Variants in ZNF839 observed in about 807,000 individuals in gnomAD.
ZNF839 encodes the protein renal carcinoma antigen NY-REN-50.
A neutral mutation model predicts 56.4 loss-of-function variants in ZNF839; 38 were observed. The ratio of observed to expected loss-of-function variants is 0.67; its 90% CI spans 0.52 to 0.88. The LOEUF (loss-of-function observed/expected upper bound fraction) is 0.88, where lower values mean the gene tolerates loss of function less well. Ranked by LOEUF, ZNF839 falls within the 40% of genes least tolerant of loss-of-function variation. The pLI, the probability that ZNF839 is intolerant of heterozygous loss-of-function variation, is 0.00. For missense variants in ZNF839, 1,091 were observed against 1,177.6 expected (o/e 0.93, Z 1.08); for synonymous variants, 486 against 493.5 (o/e 0.98, Z 0.20).
At chr14:102,327,281 C>T (rs755612328) in intron 2 of ZNF839, among the ~76,000 whole-genome samples, 4 of 152,114 alleles carry the variant, frequency 2.6e-5, no homozygotes, top group Non-Finnish European at 5.9e-5. Context: ...GCTGGGATTA[C>T]AGGCGCCCAC....
chr14:102,341,240 C>T (rs2139606015), intron 7 of ZNF839, 83 bp from the exon 8 acceptor site: 2 of 1,422,372 alleles, frequency 1.4e-6, no homozygotes, highest in East Asian at 2.4e-5. Context: ...GGTGACTTGG[C>T]CTAGCTGGTT....
In ZNF839 at chr14:102,332,846, G is replaced by T. The variant is rs1296319932; in HGVS notation, c.1416+1000G>T. On this transcript the variant is annotated intron_variant, in intron 3 of 7. Transcript: ENST00000442396. The surrounding 1 kb of genome is among the most constrained non-coding windows in gnomAD (Gnocchi z 4.9). The stretch of plus-strand genomic sequence containing the variant: ...AATCGCTTGAACCCAGGAGGCGGAG[G>T]TTGCAGTGAGCCAAGATCGTGCCAT... Among the ~76,000 whole-genome samples, 1 of 152,186 alleles carries T rather than the reference G, an allele frequency of 6.6e-6. No homozygotes were observed. Among genetic ancestry groups the T allele is most frequent in the East Asian group, 1.9e-4 (1 of 5,182 alleles).
At chr14:102,329,596 G>A (rs2073665243) in intron 2 of ZNF839, among the ~76,000 whole-genome samples, 1 of 151,710 alleles carries the variant, frequency 6.6e-6, no homozygotes, top group Non-Finnish European at 1.5e-5. Flanking sequence ...TATTCGCCAG[G>A]CTGGTGTCCA....
intron 3 of ZNF839, among the ~76,000 whole-genome samples, chr14:102,333,102 A>G (rs1359271285): frequency 6.6e-6 from 1 of 152,122 alleles, no homozygotes; most frequent in East Asian, 1.9e-4. Context: ...TTCTTTCAAA[A>G]GATTTTTGAA....
chr14:102,334,629 G>A lies in ZNF839; in HGVS notation c.1492G>A (p.Glu498Lys). 6.2e-7 allele frequency: 1 copy of A among 1,612,216 alleles called. No homozygotes were observed. Among genetic ancestry groups the A allele is most frequent in the Non-Finnish European group, 8.5e-7 (1 of 1,178,908 alleles). Residue 498 changes from glutamate (E) to lysine (K), a missense_variant, in exon 4 of 8, where the codon GAG (glutamate) becomes AAG (lysine). Transcript: ENST00000442396. ...GCTGGCTCAGGTTGTGACCGTGTAT[G>A]AGTTTCTTCTGATGAAGGTGAGTAC... ...PQLAQVVTVY[E>K]FLLMKVEKDH...
rs189504623 is a variant in ZNF839, at chr14:102,338,225, G to C, written c.1660-591G>C. Among the ~76,000 whole-genome samples, 706 of 152,294 alleles carry C rather than the reference G, an allele frequency of 4.6e-3. 4 individuals carry two copies. Among genetic ancestry groups the C allele is most frequent in the African/African-American group, 0.016 (652 of 41,590 alleles). On this transcript the variant is annotated intron_variant, in intron 5 of 7. Transcript: ENST00000442396. Reference sequence around the variant, plus strand: ...TAAGCTCGTGATAGCATTAAAGAGAGTGTTTTAAATGTTTTGTAAAGACTG... The same window carrying C: ...TAAGCTCGTGATAGCATTAAAGAGACTGTTTTAAATGTTTTGTAAAGACTG...
In ZNF839 at chr14:102,334,575, G is replaced by T. The variant is rs1215587253; in HGVS notation, c.1438G>T (p.Glu480Ter). ...GTAGTTCCTCCAGCAGTGTGACCGG[G>T]AGGATCTGGTGGAATTGGCTCTGCC... Reference protein sequence around the residue: ...LKEFLQQCDREDLVELALPQL... With the variant: ...LKEFLQQCDR The change falls in exon 4 of 8, where the codon GAG becomes TAG. Residue 480 changes from glutamate to a stop codon, truncating the protein, a stop_gained. Coordinates refer to ENST00000442396, the MANE Select transcript of ZNF839 (RefSeq NM_018335.6). LOFTEE classifies it high-confidence loss of function. 1 of 1,611,966 alleles carries T rather than the reference G, an allele frequency of 6.2e-7. No individual in the cohort carries two copies. Among genetic ancestry groups the T allele is most frequent in the South Asian group, 1.1e-5 (1 of 90,322 alleles).
intron 5 of ZNF839, among the ~76,000 whole-genome samples, chr14:102,338,470 G>A (rs545882393): frequency 2.0e-4 from 30 of 150,578 alleles, no homozygotes; most frequent in South Asian, 6.3e-4. Flanking sequence ...TCTGGGAAGC[G>A]GAGGTTGTGG....
intron 7 of ZNF839, chr14:102,341,008 G>T (rs1164454914): frequency 1.8e-5 from 3 of 170,012 alleles, no homozygotes; most frequent in African/African-American, 7.4e-5. Flanking sequence ...GGTGGAGGCT[G>T]CAGTGAGCTG....
chr14:102,336,031 T>C (rs1441889948), intron 5 of ZNF839, among the ~76,000 whole-genome samples, 193 bp downstream of exon 5: 1 of 152,056 alleles, frequency 6.6e-6, no homozygotes, highest in Non-Finnish European at 1.5e-5. Flanking sequence ...ATACAAAAAT[T>C]AGCTGGGCGT....
chr14:102,336,641 C>A (rs1885756326), intron 5 of ZNF839: 1 of 435,016 alleles, frequency 2.3e-6, no homozygotes, highest in Non-Finnish European at 4.6e-6. Flanking sequence ...CCAGAAAACT[C>A]AAAAATGAAG....
intron 4 of ZNF839, chr14:102,335,465 AC>A: frequency 2.0e-6 from 1 of 503,372 alleles, no homozygotes; most frequent in Non-Finnish European, 3.5e-6. Flanking sequence ...CATGGCCCCC[AC>A]CCAGGGCTTG....
intron 5 of ZNF839, among the ~76,000 whole-genome samples, chr14:102,338,541 A>C (rs1019345131): frequency 1.5e-5 from 2 of 134,472 alleles, no homozygotes; most frequent in Admixed American, 1.5e-4. Flanking sequence ...CTGTCTCAGA[A>C]AAAAAAAAAA....
At chr14:102,329,946 A>G (rs905308891) in intron 2 of ZNF839, among the ~76,000 whole-genome samples, 3 of 151,518 alleles carry the variant, frequency 2.0e-5, no homozygotes, top group African/African-American at 4.9e-5. Context: ...GGTGCCCACC[A>G]TCATGCCCAG....
chr14:102,338,144 G>T (rs548363731), intron 5 of ZNF839, among the ~76,000 whole-genome samples: 51 of 152,338 alleles, frequency 3.3e-4, no homozygotes, highest in African/African-American at 1.2e-3. Context: ...CCAGTGAGAA[G>T]TCAGTAAAGG....
chr14:102,334,121 T>G (rs888788815), intron 3 of ZNF839, among the ~76,000 whole-genome samples: 1 of 152,170 alleles, frequency 6.6e-6, no homozygotes, highest in Non-Finnish European at 1.5e-5. Flanking sequence ...AAAACCTCCC[T>G]CCACAGCTGC....
At chr14:102,333,756 A>G (rs555531691) in intron 3 of ZNF839, among the ~76,000 whole-genome samples, 5 of 152,092 alleles carry the variant, frequency 3.3e-5, no homozygotes, top group Non-Finnish European at 7.4e-5. Flanking sequence ...CTCTTCATTG[A>G]AACATCTCCA....
chr14:102,341,867 G>A lies in ZNF839; in HGVS notation c.2472G>A (p.Gln824=), dbSNP rs370680612. ...AYRTVPKPGP[Q]PGPHGSLLTE... is the part of the protein sequence containing the mutation. ...GGACTGTGCCCAAGCCAGGGCCTCA[G>A]CCTGGCCCACATGGATCACTATTGA... is the stretch of plus-strand genomic sequence containing the variant. Residue 824 remains glutamine, a synonymous_variant, in exon 8 of 8, where the codon CAG becomes CAA. Coordinates refer to ENST00000442396, the MANE Select transcript of ZNF839 (RefSeq NM_018335.6). 3.7e-6 allele frequency: 6 copies of A among 1,613,932 alleles called. No individual in the cohort carries two copies. In the African/African-American group the frequency reaches 8.0e-5, roughly 22 times the overall value.
At chr14:102,336,780 C>T (rs1422385718) in intron 5 of ZNF839, 1 of 299,882 alleles carries the variant, frequency 3.3e-6, no homozygotes, top group Non-Finnish European at 6.5e-6. Flanking sequence ...GTCTCCCAGA[C>T]TGGAGTGCAG....
Sources: allele counts gnomAD v4.1 joint callset (sites outside exome capture counted in the v4.1 genomes callset), GRCh38; gene constraint gnomAD v4.1.1; non-coding constraint Gnocchi (gnomAD v3.1); transcripts MANE v1.5; gene names NCBI Gene and HGNC (gene_info 2026-07-23, HGNC 2026-07-21).